The following FUNDC1 variants were observed in gnomAD, a reference collection of about 807,000 sequenced individuals.
The protein encoded by FUNDC1 is FUN14 domain-containing protein 1.
FUNDC1 carries 10 observed loss-of-function variants against 14.5 expected under a neutral mutation model. The ratio of observed to expected loss-of-function variants is 0.69; its 90% CI spans 0.43 to 1.17. FUNDC1 has a LOEUF of 1.17. FUNDC1 is among the 50% of genes most tolerant of loss of function. FUNDC1 has a pLI of 0.00. For synonymous variants in FUNDC1, 33 were observed against 39.7 expected (o/e 0.83, Z 0.64); for missense variants, 115 against 113.8 (o/e 1.01, Z -0.05).
chrX:44,539,147 T>C lies in FUNDC1; in HGVS notation c.186-605A>G, dbSNP rs146799107. 1.1e-3 allele frequency among the ~76,000 whole-genome samples: 118 copies of C among 111,916 alleles called. 1 individual carries two copies. In the East Asian group the frequency reaches 0.03, roughly 28 times the overall value. On this transcript the variant is annotated intron_variant, in intron 2 of 4. Transcript: ENST00000378045. The stretch of plus-strand genomic sequence containing the variant: ...TATCTATATCTACCTATTTTTATAT[T>C]AAATGTTTTTTGTGTCTCATCTACC...
intron 4 of FUNDC1, among the ~76,000 whole-genome samples, chrX:44,526,897 GA>G (rs1162544951): frequency 9.1e-6 from 1 of 109,293 alleles, no homozygotes; most frequent in Non-Finnish European, 1.9e-5. Flanking sequence ...CTATCCTCAA[GA>G]AAAAAAATGT....
intron 3 of FUNDC1, among the ~76,000 whole-genome samples, 164 bp downstream of exon 3, chrX:44,538,303 C>G (rs1208860733): frequency 8.9e-6 from 1 of 112,353 alleles, no homozygotes; most frequent in African/African-American, 3.2e-5. Flanking sequence ...TTTTTAATAG[C>G]TGGGATCAAA....
At chrX:44,531,556 A>T (rs1480557622) in intron 3 of FUNDC1, among the ~76,000 whole-genome samples, 1 of 110,026 alleles carries the variant, frequency 9.1e-6, no homozygotes, top group African/African-American at 3.3e-5. Flanking sequence ...GAGAAGGGAA[A>T]GCCCAATCCA....
chrX:44,535,917 C>T (rs750246521), intron 3 of FUNDC1, among the ~76,000 whole-genome samples: 1 of 104,387 alleles, frequency 9.6e-6, no homozygotes, highest in East Asian at 3.0e-4. Flanking sequence ...ACCCAGGAGG[C>T]GGAGGTTGCA....
At chrX:44,535,288 C>T (rs73478711) in intron 3 of FUNDC1, among the ~76,000 whole-genome samples, 15,314 of 110,510 alleles carry the variant, frequency 0.14, 1,055 homozygotes, top group African/African-American at 0.25. Flanking sequence ...GACTCTGGGA[C>T]CAAGTTTGCC....
At chrX:44,525,012 A>C (rs1192665332) in intron 4 of FUNDC1, among the ~76,000 whole-genome samples, 1 of 111,549 alleles carries the variant, frequency 9.0e-6, no homozygotes, top group Non-Finnish European at 1.9e-5. Context: ...AACCAAAACA[A>C]ATTACTTTGG....
intron 3 of FUNDC1, among the ~76,000 whole-genome samples, chrX:44,533,627 C>CAAAAA (rs1156843539): frequency 4.3e-4 from 8 of 18,695 alleles, no homozygotes; most frequent in Admixed American, 7.1e-4. Flanking sequence ...GACTCCGTCT[C>CAAAAA]AAAAAAAAAA....
intron 3 of FUNDC1, among the ~76,000 whole-genome samples, chrX:44,531,658 G>A (rs1162346409): frequency 9.2e-6 from 1 of 108,696 alleles, no homozygotes; most frequent in African/African-American, 3.4e-5. Context: ...CTTGGAGGAA[G>A]GCCTTTAACT....
At chrX:44,539,680 A>AT (rs1337521239) in intron 2 of FUNDC1, among the ~76,000 whole-genome samples, 53 of 111,228 alleles carry the variant, frequency 4.8e-4, no homozygotes, top group African/African-American at 1.7e-3. Context: ...TAATTAATTT[A>AT]TTTTTTAGAT....
chrX:44,530,900 C>T (rs1357559770), intron 3 of FUNDC1, among the ~76,000 whole-genome samples: 4 of 109,878 alleles, frequency 3.6e-5, no homozygotes, highest in South Asian at 7.9e-4. Flanking sequence ...TGCATTCCAG[C>T]CTGGGTGAAA....
chrX:44,537,244 C>T (rs2038952688), intron 3 of FUNDC1, among the ~76,000 whole-genome samples: 2 of 112,020 alleles, frequency 1.8e-5, no homozygotes, highest in African/African-American at 6.5e-5. Context: ...TTCTGAAAAA[C>T]TGACATGCAG....
chrX:44,526,168 C>T (rs756166000), intron 4 of FUNDC1, among the ~76,000 whole-genome samples: 4 of 110,815 alleles, frequency 3.6e-5, no homozygotes, highest in Admixed American at 2.9e-4. Flanking sequence ...TGGTGGCTCA[C>T]GCCCCTAATC....
At chrX:44,541,028 A>G (rs2038969543) in intron 2 of FUNDC1, among the ~76,000 whole-genome samples, 1 of 112,462 alleles carries the variant, frequency 8.9e-6, no homozygotes. Context: ...AGAGTGGGTC[A>G]TTATTCCAAG....
At chrX:44,542,771 G>C in intron 1 of FUNDC1, 34 bp downstream of exon 1, 1 of 1,154,979 alleles carries the variant, frequency 8.7e-7, no homozygotes, top group Admixed American at 2.6e-5. Context: ...TGTGAGCCGC[G>C]TCCCAGATAC....
intron 3 of FUNDC1, among the ~76,000 whole-genome samples, chrX:44,532,062 C>A (rs1474913662): frequency 9.0e-6 from 1 of 110,873 alleles, no homozygotes; most frequent in Non-Finnish European, 1.9e-5. Context: ...TAATTACACT[C>A]CTGAAATGTG....
intron 3 of FUNDC1, among the ~76,000 whole-genome samples, chrX:44,538,154 T>G (rs2147476516): frequency 8.9e-6 from 1 of 111,745 alleles, no homozygotes; most frequent in Non-Finnish European, 1.9e-5. Context: ...CAGCTAATTT[T>G]TGTATTTTCA....
chrX:44,538,697 G>A (rs2038958212), intron 2 of FUNDC1, among the ~76,000 whole-genome samples, 155 bp from the exon 3 acceptor site: 1 of 111,530 alleles, frequency 9.0e-6, no homozygotes, highest in African/African-American at 3.3e-5. Context: ...AAACCCCTCA[G>A]TTATACAGGC....
intron 3 of FUNDC1, among the ~76,000 whole-genome samples, chrX:44,530,427 G>A (rs749857850): frequency 9.1e-6 from 1 of 110,359 alleles, no homozygotes; most frequent in Non-Finnish European, 1.9e-5. Context: ...CCAACATGGT[G>A]AAACCCTATC....
intron 3 of FUNDC1, among the ~76,000 whole-genome samples, chrX:44,531,405 G>C (rs1030449210): frequency 1.2e-4 from 12 of 102,510 alleles, no homozygotes; most frequent in African/African-American, 4.3e-4. Flanking sequence ...TGGCCAGAAA[G>C]CTCTAAACAG....
Sources: gnomAD v4.1 joint callset for allele counts (sites outside exome capture counted in the v4.1 genomes callset) on GRCh38, gnomAD v4.1.1 for gene constraint, MANE v1.5 for transcripts, NCBI Gene and HGNC (gene_info 2026-07-23, HGNC 2026-07-21) for gene names.